Variants in BRD7 observed in about 807,000 individuals in gnomAD.
BRD7 encodes the protein bromodomain containing 7.
Under a neutral mutation model 82.1 loss-of-function variants are expected in BRD7, and 15 were observed. The observed-to-expected ratio is 0.18, with a 90% CI of 0.12 to 0.28. BRD7 has a LOEUF of 0.28. BRD7 is among the 10% of genes least tolerant of loss of function. The pLI is 1.00. For synonymous variants in BRD7, 232 were observed against 266.9 expected, an observed-to-expected ratio of 0.87 and a Z score of 1.27; for missense variants, 638 against 779.9, an observed-to-expected ratio of 0.82 and a Z score of 2.17.
intron 9 of BRD7, among the ~76,000 whole-genome samples, chr16:50,328,275 A>G (rs1029629053): frequency 1.3e-5 from 2 of 152,212 alleles, no homozygotes; most frequent in African/African-American, 4.8e-5. Context: ...ACTATGTGGC[A>G]TATACATTCA....
chr16:50,364,889 G>A (rs1597104699), intron 2 of BRD7, among the ~76,000 whole-genome samples: 1 of 152,320 alleles, frequency 6.6e-6, no homozygotes. Flanking sequence ...GTAACTGCCA[G>A]AACAAAAACC....
rs1179635611 is a variant in BRD7, at chr16:50,368,225, G to A, written c.123C>T (p.Ser41=). ...CGAAGAGGCTGGAGTCGTGCCCCGA[G>A]CTGCCCGTGGAGAGTTCGGTGACTT... The part of the protein sequence containing the change: ...GNEVTELSTG[S]SGHDSSLFED... The change falls in exon 2 of 17, where the codon AGC becomes AGT. Residue 41 remains serine, a synonymous_variant. Coordinates refer to ENST00000394688, the MANE Select transcript of BRD7 (RefSeq NM_013263.5). 1 of 1,614,084 alleles carries A rather than the reference G, an allele frequency of 6.2e-7. No homozygotes were observed. Among genetic ancestry groups the A allele is most frequent in the Admixed American group, 1.7e-5 (1 of 60,006 alleles).
chr16:50,327,282 AGAAACTGGAAACCCAG>A (rs1206605660), intron 9 of BRD7, among the ~76,000 whole-genome samples: 1 of 152,198 alleles, frequency 6.6e-6, no homozygotes, highest in Non-Finnish European at 1.5e-5. Flanking sequence ...ATTAGGTCTC[AGAAACTGGAAACCCAG>A]GAAACCAGAG....
In BRD7 at chr16:50,337,256, CTTTTTT is replaced by C. The variant is rs71138063; in HGVS notation, c.703-2367_703-2362del. ...AGTTACTCTTCATCTGTTCATTCTTCTTTTTTTTTTTTTTTTTTTTTGAGACGGAGT... is the reference window on the plus strand; with the variant it reads ...AGTTACTCTTCATCTGTTCATTCTTCTTTTTTTTTTTTTTTGAGACGGAGT... On this transcript the variant is annotated intron_variant, in intron 6 of 16. Coordinates refer to ENST00000394688, the MANE Select transcript of BRD7 (RefSeq NM_013263.5). 1.1e-4 allele frequency among the ~76,000 whole-genome samples: 10 copies of C among 93,254 alleles called. No homozygotes were observed. The East Asian group carries it at 1.7e-3, about 16-fold the overall frequency. 61.2% of individuals were successfully genotyped at this position (93,254 alleles called of 152,430 possible). A position where few individuals can be genotyped will look rare whatever the true frequency, so the allele number is the denominator to read the frequency against.
chr16:50,353,110 C>T (rs1252726085), intron 4 of BRD7, among the ~76,000 whole-genome samples: 2 of 150,870 alleles, frequency 1.3e-5, no homozygotes, highest in East Asian at 3.9e-4. Context: ...ATTCTGTTGC[C>T]CAGGCTGGAG....
At chr16:50,343,319 T>C (rs2038148488) in intron 5 of BRD7, among the ~76,000 whole-genome samples, 1 of 152,124 alleles carries the variant, frequency 6.6e-6, no homozygotes, top group South Asian at 2.1e-4. Context: ...GATCTGGTTG[T>C]TTGAAAGTGT....
intron 2 of BRD7, among the ~76,000 whole-genome samples, chr16:50,359,120 C>G (rs2151203158): frequency 6.6e-6 from 1 of 152,288 alleles, no homozygotes; most frequent in Admixed American, 6.5e-5. Context: ...TAACACAGTT[C>G]TGGTTAACAG....
In BRD7 at chr16:50,357,361, C is replaced by G. The variant is rs188800584; in HGVS notation, c.259-2439G>C. ...AAAAGTTCCAGAGAGCAGTTATAAA[C>G]TGAACTCATGCTTGATCCCAGCTAC... On this transcript the variant is annotated intron_variant, in intron 2 of 16. Coordinates refer to ENST00000394688, the MANE Select transcript of BRD7 (RefSeq NM_013263.5). 6.2e-4 allele frequency among the ~76,000 whole-genome samples: 94 copies of G among 152,336 alleles called. 1 individual carries two copies. In the South Asian group the frequency reaches 7.2e-3, roughly 12 times the overall value.
chr16:50,349,526 T>C (rs2038433804), intron 5 of BRD7: 1 of 469,054 alleles, frequency 2.1e-6, no homozygotes, highest in Non-Finnish European at 4.4e-6. Context: ...CGATTGTAAG[T>C]TTCCTTGGGT....
Position 50,317,254 on chromosome 16 carries a change from A to G in BRD7, c.*1957T>C, listed in dbSNP as rs1300098135. The G allele has an allele frequency of 6.5e-6, 1 of 152,778 alleles. No homozygotes were observed. Among genetic ancestry groups the G allele is most frequent in the Non-Finnish European group, 1.5e-5 (1 of 68,050 alleles). The allele number at this position is 152,778 out of a possible 1,614,324, so 9.5% of individuals were successfully genotyped here. A position where few individuals can be genotyped will look rare whatever the true frequency, so the allele number is the denominator to read the frequency against. On this transcript the variant is annotated 3_prime_UTR_variant, in exon 17 of 17. Transcript: ENST00000394688. The stretch of plus-strand genomic sequence containing the variant: ...TGTATAAAGGAATTTCATGGCAACA[A>G]TGCTGGTAAGGGCAATTAGCCTCGC...
chr16:50,328,790 A>G (rs1319148117), intron 8 of BRD7, 46 bp from the exon 9 acceptor site: 10 of 1,559,012 alleles, frequency 6.4e-6, no homozygotes, highest in Non-Finnish European at 8.8e-6. Flanking sequence ...GTTTTATACA[A>G]ACAGGCTGAG....
Position 50,335,547 on chromosome 16 carries a change from C to T in BRD7, c.703-652G>A, listed in dbSNP as rs1458727811. ...TGTAGTTAAGGGCTTGAGGTTTCTC[C>T]GTAAATTTTAAGAAGGCATATTTGT... On this transcript the variant is annotated intron_variant, in intron 6 of 16. Transcript: ENST00000394688. Among the ~76,000 whole-genome samples the T allele has an allele frequency of 5.9e-5, 9 of 152,136 alleles. No individual in the cohort carries two copies. The South Asian group carries it at 1.0e-3, about 17-fold the overall frequency.
intron 1 of BRD7, 68 bp downstream of exon 1, chr16:50,368,658 C>G: frequency 6.6e-7 from 1 of 1,504,368 alleles, no homozygotes; most frequent in East Asian, 2.9e-5. Flanking sequence ...CCCGGAGCCA[C>G]TGGGAAAGAG....
intron 5 of BRD7, chr16:50,349,403 AT>A: frequency 5.7e-6 from 2 of 353,962 alleles, no homozygotes; most frequent in East Asian, 8.0e-5. Context: ...AAAAAAAAAA[AT>A]TAAAAAAATG....
chr16:50,332,234 G>T (rs753041482), intron 8 of BRD7, among the ~76,000 whole-genome samples: 1 of 105,294 alleles, frequency 9.5e-6, no homozygotes, highest in Non-Finnish European at 1.8e-5. Flanking sequence ...TGTGAACTAC[G>T]CATCCAATAA....
At chr16:50,334,619 T>TG in intron 7 of BRD7, 92 bp downstream of exon 7, 1 of 1,456,540 alleles carries the variant, frequency 6.9e-7, no homozygotes, top group Non-Finnish European at 9.3e-7. Flanking sequence ...CACTAGCACT[T>TG]GGTCTTCCCA....
chr16:50,324,399 T>A (rs2037247875), intron 11 of BRD7, among the ~76,000 whole-genome samples: 1 of 152,142 alleles, frequency 6.6e-6, no homozygotes, highest in African/African-American at 2.4e-5. Flanking sequence ...CCTTTAAACA[T>A]CATAATCTGG....
intron 6 of BRD7, among the ~76,000 whole-genome samples, chr16:50,335,960 A>C (rs370695612): frequency 1.3e-5 from 2 of 152,370 alleles, no homozygotes; most frequent in South Asian, 4.1e-4. Context: ...TGGGTAGAGG[A>C]GAAAATAAAA....
At chr16:50,330,190 A>G (rs1448764531) in intron 8 of BRD7, among the ~76,000 whole-genome samples, 3 of 152,168 alleles carry the variant, frequency 2.0e-5, no homozygotes, top group African/African-American at 7.2e-5. Flanking sequence ...GGGACCCAGG[A>G]TTCAGTGATT....
Sources: gnomAD v4.1 joint callset for allele counts (sites outside exome capture counted in the v4.1 genomes callset) on GRCh38, gnomAD v4.1.1 for gene constraint, MANE v1.5 for transcripts, NCBI Gene and HGNC (gene_info 2026-07-23, HGNC 2026-07-21) for gene names.